The following CLVS1 variants were observed in gnomAD, a reference collection of about 807,000 sequenced individuals.
The protein encoded by CLVS1 is clavesin-1.
Under a neutral mutation model 33.1 loss-of-function variants are expected in CLVS1, and 10 were observed. That is an observed-to-expected ratio of 0.30 (90% CI 0.19 to 0.51). The LOEUF (loss-of-function observed/expected upper bound fraction) is 0.51, where lower values mean the gene tolerates loss of function less well. Ranked by LOEUF, CLVS1 falls within the 20% of genes least tolerant of loss-of-function variation. CLVS1 has a pLI of 0.97. For missense variants in CLVS1, 343 were observed against 433.4 expected (o/e 0.79, Z 1.85); for synonymous variants, 163 against 166.1 (o/e 0.98, Z 0.14).
chr8:61,263,568 G>T (rs1419733376), intron 2 of CLVS1, among the ~76,000 whole-genome samples: 1 of 152,116 alleles, frequency 6.6e-6, no homozygotes, highest in Non-Finnish European at 1.5e-5. Context: ...AGACATTTTG[G>T]CTAGTAGGAG....
chr8:61,330,220 G>A (rs1473240028), intron 2 of CLVS1, among the ~76,000 whole-genome samples: 1 of 152,168 alleles, frequency 6.6e-6, no homozygotes, highest in Non-Finnish European at 1.5e-5. Flanking sequence ...AGGAGCAGCT[G>A]CTGTTACAGT....
At chr8:61,224,072 C>G (rs1428909883) in intron 2 of CLVS1, among the ~76,000 whole-genome samples, 1 of 152,092 alleles carries the variant, frequency 6.6e-6, no homozygotes, top group African/African-American at 2.4e-5. Flanking sequence ...TTCCCCTAAC[C>G]TTTTATCAAG....
At chr8:61,305,303 T>C (rs1228784618) in intron 2 of CLVS1, among the ~76,000 whole-genome samples, 2 of 152,080 alleles carry the variant, frequency 1.3e-5, no homozygotes, top group Non-Finnish European at 2.9e-5. Flanking sequence ...TACGTTTATA[T>C]TCTTTGTTCC....
intron 2 of CLVS1, among the ~76,000 whole-genome samples, chr8:61,346,536 A>G (rs561554912): frequency 1.9e-4 from 29 of 152,312 alleles, no homozygotes; most frequent in African/African-American, 6.3e-4. Context: ...ATGACCTTTT[A>G]CATGTATCTA....
chr8:61,246,872 TG>T (rs1199962931), intron 2 of CLVS1, among the ~76,000 whole-genome samples: 1 of 152,162 alleles, frequency 6.6e-6, no homozygotes, highest in African/African-American at 2.4e-5. Flanking sequence ...CTACATGTCA[TG>T]GGGGTTTGTT....
At chr8:61,059,471 CATACAT>C (rs1027522914) in intron 1 of CLVS1, among the ~76,000 whole-genome samples, 3 of 22,978 alleles carry the variant, frequency 1.3e-4, no homozygotes, top group Middle Eastern at 0.048. Flanking sequence ...TACATACATA[CATACAT>C]ATATATATAT....
rs535008002 is a variant in CLVS1, at chr8:61,192,553, A to C, written c.-152+60693A>C. Among the ~76,000 whole-genome samples the C allele has an allele frequency of 3.3e-5, 5 of 152,378 alleles. No homozygotes were observed. In the South Asian group the frequency reaches 1.0e-3, roughly 32 times the overall value. On this transcript the variant is annotated intron_variant, in intron 2 of 2. Coordinates refer to the CLVS1 transcript ENST00000522621. Reference sequence around the variant, plus strand: ...TCTAATTAAAGAGCTTCTGCACAGCAAAAGAAACTACCATCAGAGTGAACA... The same window carrying C: ...TCTAATTAAAGAGCTTCTGCACAGCCAAAGAAACTACCATCAGAGTGAACA...
chr8:61,293,077 G>T (rs1810055476), intron 1 of CLVS1, among the ~76,000 whole-genome samples: 1 of 151,752 alleles, frequency 6.6e-6, no homozygotes, highest in Non-Finnish European at 1.5e-5. Context: ...GTGCTTCTTT[G>T]CTGTTTTAAA....
At chr8:61,140,688 G>A (rs953718046) in intron 2 of CLVS1, among the ~76,000 whole-genome samples, 3 of 151,948 alleles carry the variant, frequency 2.0e-5, no homozygotes, top group Admixed American at 6.6e-5. Flanking sequence ...TCAGCCTCCC[G>A]AGCAGCTGGG....
At chr8:61,306,002 C>T (rs1326534314) in intron 2 of CLVS1, among the ~76,000 whole-genome samples, 1 of 152,152 alleles carries the variant, frequency 6.6e-6, no homozygotes, top group Non-Finnish European at 1.5e-5. Context: ...AATGAACATA[C>T]ACGTGCATGT....
rs574574393 is a variant in CLVS1 at position 61,398,038 on chromosome 8, A to C, written c.630+21259A>C. 1.7e-4 allele frequency among the ~76,000 whole-genome samples: 26 copies of C among 152,284 alleles called. No individual in the cohort carries two copies. The South Asian group carries it at 5.4e-3, about 32-fold the overall frequency. On this transcript the variant is annotated intron_variant, in intron 3 of 5. Coordinates refer to ENST00000325897, the MANE Select transcript of CLVS1 (RefSeq NM_173519.3). ...TAGCTTGTCAATTTTTGCACAAAAA[A>C]GGAGCTTGGATTTGGATAGAGACTG...
intron 2 of CLVS1, among the ~76,000 whole-genome samples, chr8:61,153,132 A>G (rs950950517): frequency 5.3e-5 from 8 of 152,178 alleles, no homozygotes; most frequent in Non-Finnish European, 1.2e-4. Context: ...ATAAAAAGGA[A>G]AAAAAGAAGA....
chr8:61,114,051 C>A (rs532115333), intron 1 of CLVS1, among the ~76,000 whole-genome samples: 1 of 152,246 alleles, frequency 6.6e-6, no homozygotes, highest in Non-Finnish European at 1.5e-5. Flanking sequence ...CTTGCAAAAG[C>A]AACCACAGAT....
chr8:61,106,217 T>C (rs1274653432), intron 1 of CLVS1, among the ~76,000 whole-genome samples: 1 of 152,138 alleles, frequency 6.6e-6, no homozygotes, highest in Non-Finnish European at 1.5e-5. Flanking sequence ...ATGAAGCCAG[T>C]GCCAGAATAT....
the CLVS1 span, among the ~76,000 whole-genome samples, chr8:60,997,125 T>TGATG: frequency 6.6e-6 from 1 of 152,154 alleles, no homozygotes; most frequent in Admixed American, 6.5e-5. Flanking sequence ...TTGATTTTCT[T>TGATG]GATGGATGGA....
chr8:61,164,266 T>C (rs1806811358), intron 2 of CLVS1, among the ~76,000 whole-genome samples: 2 of 152,188 alleles, frequency 1.3e-5, no homozygotes, highest in Admixed American at 6.5e-5. Flanking sequence ...CTGTCTCTCA[T>C]TGCTATTATA....
intron 1 of CLVS1, among the ~76,000 whole-genome samples, chr8:61,102,885 G>T (rs1177609518): frequency 6.6e-6 from 1 of 152,160 alleles, no homozygotes; most frequent in Non-Finnish European, 1.5e-5. Flanking sequence ...AAACAAAAAG[G>T]CAGCTCTCAG....
intron 2 of CLVS1, among the ~76,000 whole-genome samples, chr8:61,273,763 G>A (rs1021111740): frequency 2.0e-5 from 3 of 152,206 alleles, no homozygotes; most frequent in Admixed American, 2.0e-4. Context: ...TCCAGGTGCT[G>A]CCCATCACCC....
Position 61,328,977 on chromosome 8 carries a change from G to A in CLVS1, c.455+28695G>A, listed in dbSNP as rs934593080. Among the ~76,000 whole-genome samples, 12 of 152,096 alleles carry A rather than the reference G, an allele frequency of 7.9e-5. No homozygotes were observed. The East Asian group carries it at 2.3e-3, about 29-fold the overall frequency. On this transcript the variant is annotated intron_variant, in intron 2 of 5. Transcript: ENST00000325897. ...TCTAACATGGAATTTTTATTATTGTGTCTGCAAGTTAGATCTCTGCATTCT... is the reference window on the plus strand; with the variant it reads ...TCTAACATGGAATTTTTATTATTGTATCTGCAAGTTAGATCTCTGCATTCT...
Sources: gnomAD v4.1 joint callset for allele counts (sites outside exome capture counted in the v4.1 genomes callset) on GRCh38, gnomAD v4.1.1 for gene constraint, MANE v1.5 for transcripts, NCBI Gene and HGNC (gene_info 2026-07-23, HGNC 2026-07-21) for gene names.